YTHDC2: variants seen among roughly 807,000 people sequenced by gnomAD.
YTHDC2 encodes the protein YTH N6-methyladenosine RNA binding protein C2, also known as 3'-5' RNA helicase YTHDC2.
YTHDC2 carries 45 observed loss-of-function variants against 174.9 expected under a neutral mutation model. That is an observed-to-expected ratio of 0.26 (90% CI 0.20 to 0.33). The LOEUF is 0.33. Ranked by LOEUF, YTHDC2 falls within the 10% of genes least tolerant of loss-of-function variation. The pLI, the probability that YTHDC2 is intolerant of heterozygous loss-of-function variation, is 1.00. For missense variants in YTHDC2, 1,650 were observed against 1,723.7 expected (o/e 0.96, Z 0.76); for synonymous variants, 657 against 574.5 (o/e 1.14, Z -2.05).
At chr5:113,571,160 A>C (rs770982522) in intron 23 of YTHDC2, among the ~76,000 whole-genome samples, 4 of 152,076 alleles carry the variant, frequency 2.6e-5, no homozygotes, top group Non-Finnish European at 5.9e-5. Context: ...TTCCTTTACT[A>C]CCTAGTTTAT....
intron 2 of YTHDC2, among the ~76,000 whole-genome samples, chr5:113,521,496 C>T (rs1041776659): frequency 2.0e-5 from 3 of 151,934 alleles, no homozygotes; most frequent in Non-Finnish European, 4.4e-5. Context: ...TTTGGGAGGC[C>T]GAGGTGGGTG....
intron 10 of YTHDC2, among the ~76,000 whole-genome samples, chr5:113,548,080 A>G (rs1252096291): frequency 2.6e-5 from 4 of 152,324 alleles, no homozygotes; most frequent in South Asian, 2.1e-4. Context: ...AGCAAAGTAA[A>G]ATAACAACCA....
intron 26 of YTHDC2, among the ~76,000 whole-genome samples, chr5:113,589,408 A>AAAAATATATATATAT (rs368975720): frequency 5.7e-5 from 7 of 123,262 alleles, no homozygotes; most frequent in African/African-American, 2.4e-4. Context: ...AAAAAAAAAA[A>AAAAATATATATATAT]ATATATATAT....
chr5:113,592,029 G>C lies in YTHDC2; in HGVS notation c.4063G>C (p.Glu1355Gln), dbSNP rs1201888813. ...FSRMSSEIGR[E>Q]KSQDWGSAGL... ...TAGGATGTCTTCTGAGATTGGAAGG[G>C]AAAAGAGTCAGGACTGGGGCTCTGC... Residue 1355 changes from glutamate to glutamine, a missense_variant, in exon 28 of 30, where the codon GAA (glutamate) becomes CAA (glutamine). Glu to Gln is a conservative substitution (Grantham distance 29). Transcript: ENST00000161863. 1 of 1,610,958 alleles carries C rather than the reference G, an allele frequency of 6.2e-7. No homozygotes were observed. Among genetic ancestry groups the C allele is most frequent in the South Asian group, 1.1e-5 (1 of 90,684 alleles).
At chr5:113,522,481 T>C (rs1773944807) in intron 2 of YTHDC2, among the ~76,000 whole-genome samples, 1 of 152,212 alleles carries the variant, frequency 6.6e-6, no homozygotes, top group African/African-American at 2.4e-5. Context: ...ACTGTAATTT[T>C]ATTACATTTA....
chr5:113,564,818 T>G (rs570202717), intron 20 of YTHDC2, among the ~76,000 whole-genome samples: 3 of 152,292 alleles, frequency 2.0e-5, no homozygotes, highest in Non-Finnish European at 4.4e-5. Flanking sequence ...TATACATTTT[T>G]TTGTTGTTGT....
Position 113,584,409 on chromosome 5 carries a change from C to G in YTHDC2, c.3755C>G (p.Ser1252Cys), listed in dbSNP as rs372915389. 3.1e-6 allele frequency: 5 copies of G among 1,613,834 alleles called. No homozygotes were observed. Among genetic ancestry groups the G allele is most frequent in the Non-Finnish European group, 4.2e-6 (5 of 1,179,828 alleles). ...ACTGAGGACCGATCAGATCAGTCTT[C>G]TCTGAAATCTACAGACAGCAGTAGT... ...RGTEDRSDQSSLKSTDSSSYP... is the reference protein window; with the variant it reads ...RGTEDRSDQSCLKSTDSSSYP... The change falls in exon 26 of 30, where the codon TCT becomes TGT. Residue 1252 changes from serine (S) to cysteine (C), a missense_variant. Transcript: ENST00000161863.
Position 113,520,844 on chromosome 5 carries a change from G to A in YTHDC2, c.279-4137G>A, listed in dbSNP as rs117310722. The stretch of plus-strand genomic sequence containing the variant: ...TAAGCATGAGTCAAGGGGGTTTGTT[G>A]TACAGATTATTTCATCACCCAGGAT... On this transcript the variant is annotated intron_variant, in intron 2 of 29. Coordinates refer to ENST00000161863, the MANE Select transcript of YTHDC2 (RefSeq NM_022828.5). 1.1e-3 allele frequency among the ~76,000 whole-genome samples: 164 copies of A among 152,268 alleles called. 2 individuals carry two copies. The East Asian group carries it at 0.029, about 27-fold the overall frequency.
intron 1 of YTHDC2, 151 bp downstream of exon 1, chr5:113,514,233 C>G (rs1018956446): frequency 1.0e-6 from 1 of 987,014 alleles, no homozygotes; most frequent in African/African-American, 1.6e-5. Flanking sequence ...GCGGCGGCAC[C>G]CGGGTCTGGA....
intron 16 of YTHDC2, among the ~76,000 whole-genome samples, chr5:113,555,244 C>G (rs1326695825): frequency 6.6e-6 from 1 of 151,774 alleles, no homozygotes; most frequent in African/African-American, 2.4e-5. Context: ...TGGGTAGTGT[C>G]AAAAGTTATT....
chr5:113,539,913 T>A (rs1377121234), intron 8 of YTHDC2, among the ~76,000 whole-genome samples: 1 of 152,084 alleles, frequency 6.6e-6, no homozygotes, highest in Non-Finnish European at 1.5e-5. Context: ...AAAAAAAAAT[T>A]TTTTTAGAGA....
intron 11 of YTHDC2, 121 bp downstream of exon 11, chr5:113,548,788 G>C: frequency 3.4e-6 from 4 of 1,189,152 alleles, no homozygotes; most frequent in East Asian, 5.5e-5. Context: ...GTGAATTTCT[G>C]TTTTAATGGG....
At position 113,569,612 on chromosome 5, in the gene YTHDC2, A is replaced by G. The variant is rs534489810; in HGVS notation, c.3244+1763A>G. On this transcript the variant is annotated intron_variant, in intron 23 of 29. Coordinates refer to ENST00000161863, the MANE Select transcript of YTHDC2 (RefSeq NM_022828.5). ...TTGTTAAATAAGGAGTCCTTTCCTCATTGCTTGTTTTTGTCAGGTTTGTTA... is the reference window on the plus strand; with the variant it reads ...TTGTTAAATAAGGAGTCCTTTCCTCGTTGCTTGTTTTTGTCAGGTTTGTTA... 3.3e-5 allele frequency among the ~76,000 whole-genome samples: 5 copies of G among 152,204 alleles called. No individual in the cohort carries two copies. In the South Asian group the frequency reaches 1.0e-3, roughly 32 times the overall value.
intron 26 of YTHDC2, among the ~76,000 whole-genome samples, chr5:113,586,517 G>T (rs2416319): frequency 1.7e-4 from 26 of 151,482 alleles, no homozygotes; most frequent in African/African-American, 5.8e-4. Flanking sequence ...AATTTTGATG[G>T]AGTCCATTTC....
intron 21 of YTHDC2, 132 bp downstream of exon 21, chr5:113,566,151 T>C: frequency 9.3e-7 from 1 of 1,069,944 alleles, no homozygotes; most frequent in Non-Finnish European, 1.3e-6. Context: ...CTTATATTCA[T>C]GCATGATTTG....
At chr5:113,524,829 T>C in intron 2 of YTHDC2, 152 bp from the exon 3 acceptor site, 1 of 563,114 alleles carries the variant, frequency 1.8e-6, no homozygotes. Context: ...AAATCTTTCT[T>C]TACTGAATTT....
intron 2 of YTHDC2, among the ~76,000 whole-genome samples, chr5:113,519,394 A>G (rs1472856205): frequency 6.6e-6 from 1 of 152,156 alleles, no homozygotes; most frequent in Non-Finnish European, 1.5e-5. Flanking sequence ...CTAAAGGCTC[A>G]CTTTTCTAAG....
Position 113,584,312 on chromosome 5 carries a change from A to G in YTHDC2, c.3658A>G (p.Lys1220Glu). ...TCCTTCTTGCTCAAGAGTACTGATG[A>G]AATCTCCATCTCCAGCATTACACCC... ...ECTTAERVLMKSPSPALHPPQ... is the reference protein window; with the variant it reads ...ECTTAERVLMESPSPALHPPQ... The change falls in exon 26 of 30, where the codon AAA (lysine) becomes GAA (glutamate). Residue 1220 changes from lysine (K) to glutamate (E), a missense_variant. Lys to Glu is a moderately conservative substitution (Grantham distance 56, BLOSUM62 1). This residue lies in a region of YTHDC2 where 913 missense variants were observed against 940.4 expected (regional missense o/e 0.97). Coordinates refer to ENST00000161863, the MANE Select transcript of YTHDC2 (RefSeq NM_022828.5). The G allele has an allele frequency of 6.2e-7, 1 of 1,611,716 alleles. No homozygotes were observed. The highest frequency in any genetic ancestry group is 2.2e-5 in the East Asian group (1 of 44,840).
chr5:113,516,278 G>C (rs1292986381), intron 2 of YTHDC2, among the ~76,000 whole-genome samples: 2 of 152,080 alleles, frequency 1.3e-5, no homozygotes, highest in Non-Finnish European at 2.9e-5. Context: ...TATGTTCATT[G>C]TTTTCTTTCC....
Sources: gnomAD v4.1 joint callset for allele counts (sites outside exome capture counted in the v4.1 genomes callset) on GRCh38, gnomAD v4.1.1 for gene constraint, gnomAD v4.1.1 regional missense constraint, MANE v1.5 for transcripts, NCBI Gene and HGNC (gene_info 2026-07-23, HGNC 2026-07-21) for gene names.